Variants in SYT16 observed in about 807,000 individuals in gnomAD.
SYT16 encodes the protein synaptotagmin 16, also known as synaptotagmin-16.
SYT16 carries 42 observed loss-of-function variants against 61.4 expected under a neutral mutation model. The observed-to-expected ratio is 0.68, with a 90% confidence interval of 0.53 to 0.89. The LOEUF is 0.89. Among genes scored for constraint, SYT16 ranks in the 40% least tolerant of loss-of-function variants. The probability of loss-of-function intolerance (pLI) is 0.00; values close to 1 mark genes in which losing one functional copy is unlikely to be tolerated. For synonymous variants in SYT16, 314 were observed against 302.3 expected (o/e 1.04, Z -0.40); for missense variants, 804 against 807.3 (o/e 1.00, Z 0.05).
rs1283452147 is a variant in SYT16, at chr14:61,872,195, TA to T, written c.-325+59388del. Among the ~76,000 whole-genome samples, 25 of 152,322 alleles carry T rather than the reference TA, an allele frequency of 1.6e-4. No homozygotes were observed. The East Asian group carries it at 4.6e-3, about 28-fold the overall frequency. Reference sequence around the variant, plus strand: ...TAATGAATGGCCCAATGCATACTCATAAACTCTTCCCTTATTTTTGTTTATT... The same window carrying T: ...TAATGAATGGCCCAATGCATACTCATAACTCTTCCCTTATTTTTGTTTATT... On this transcript the variant is annotated intron_variant, in intron 1 of 7. Transcript: ENST00000683842.
chr14:62,078,077 C>T (rs1232706034), intron 5 of SYT16, among the ~76,000 whole-genome samples: 1 of 149,794 alleles, frequency 6.7e-6, no homozygotes, highest in African/African-American at 2.5e-5. Context: ...CCCCACCTTC[C>T]GTCTTCTCCC....
At chr14:62,097,292 G>A (rs1355687173) in intron 7 of SYT16, among the ~76,000 whole-genome samples, 5 of 152,122 alleles carry the variant, frequency 3.3e-5, no homozygotes, top group Non-Finnish European at 5.9e-5. Context: ...TTTGCTAATG[G>A]TTCTGAGTTA....
At chr14:61,884,240 A>G (rs2047808902) in intron 1 of SYT16, among the ~76,000 whole-genome samples, 1 of 152,234 alleles carries the variant, frequency 6.6e-6, no homozygotes, top group African/African-American at 2.4e-5. Context: ...AAGGAAGTAT[A>G]TAACTAGTTA....
intron 3 of SYT16, among the ~76,000 whole-genome samples, chr14:62,047,826 C>T (rs543502378): frequency 2.0e-5 from 3 of 152,150 alleles, no homozygotes; most frequent in Non-Finnish European, 4.4e-5. Flanking sequence ...AGATGAAGCT[C>T]ACTTGATCAT....
At chr14:61,878,009 G>A (rs890922736) in intron 1 of SYT16, among the ~76,000 whole-genome samples, 1 of 152,120 alleles carries the variant, frequency 6.6e-6, no homozygotes, top group Non-Finnish European at 1.5e-5. Context: ...CACACTGCCA[G>A]TATACCTGCC....
intron 1 of SYT16, among the ~76,000 whole-genome samples, chr14:61,827,561 G>T (rs1390314535): frequency 2.0e-5 from 3 of 152,224 alleles, no homozygotes; most frequent in Non-Finnish European, 4.4e-5. Context: ...CACTGGAAAT[G>T]AGTCATTGAT....
At chr14:61,873,443 C>T (rs1261511137) in intron 1 of SYT16, among the ~76,000 whole-genome samples, 2 of 152,154 alleles carry the variant, frequency 1.3e-5, no homozygotes. Context: ...ACTGTCTTTC[C>T]ACCAGAGCCC....
rs961130451 is a variant in SYT16, at chr14:62,075,241, A to G, written c.843A>G (p.Lys281=). 4.3e-6 allele frequency: 7 copies of G among 1,613,734 alleles called. No individual in the cohort carries two copies. Among genetic ancestry groups the G allele is most frequent in the African/African-American group, 1.3e-5 (1 of 74,902 alleles). ...SQSPCERGDA[K]HHGTSHQESS... ...CCCCATGTGAAAGAGGGGATGCCAA[A>G]CACCACGGCACATCTCACCAAGAGT... Residue 281 remains lysine, a synonymous_variant, in exon 5 of 8, where the codon AAA becomes AAG. Coordinates refer to ENST00000683842, the MANE Select transcript of SYT16 (RefSeq NM_001367656.1).
At chr14:61,914,711 A>G (rs938749162) in intron 1 of SYT16, among the ~76,000 whole-genome samples, 21 of 152,190 alleles carry the variant, frequency 1.4e-4, no homozygotes, top group African/African-American at 4.8e-4. Flanking sequence ...CCTCAAAAAT[A>G]TATCCACATC....
chr14:61,950,148 A>T (rs2050612518), intron 1 of SYT16, among the ~76,000 whole-genome samples: 1 of 152,218 alleles, frequency 6.6e-6, no homozygotes. Flanking sequence ...CCCCACTGGG[A>T]ATGATTTCAA....
At chr14:61,934,206 C>G (rs2049887788) in intron 1 of SYT16, among the ~76,000 whole-genome samples, 2 of 152,136 alleles carry the variant, frequency 1.3e-5, no homozygotes, top group South Asian at 4.1e-4. Flanking sequence ...TCATTTGATT[C>G]AACCTTTCTT....
intron 2 of SYT16, among the ~76,000 whole-genome samples, chr14:61,990,388 C>T (rs1238797626): frequency 1.3e-5 from 2 of 152,102 alleles, no homozygotes; most frequent in East Asian, 3.9e-4. Context: ...TTGACTTTTG[C>T]TTGTGACTAA....
At chr14:61,957,141 A>G (rs896002354) in intron 1 of SYT16, among the ~76,000 whole-genome samples, 7 of 151,876 alleles carry the variant, frequency 4.6e-5, no homozygotes, top group East Asian at 3.8e-4. Context: ...TGATTTTTAT[A>G]TGTTAATTTT....
At chr14:61,913,785 AC>A (rs780068570) in intron 1 of SYT16, among the ~76,000 whole-genome samples, 1 of 151,238 alleles carries the variant, frequency 6.6e-6, no homozygotes, top group East Asian at 2.0e-4. Context: ...TTTTGAAAAT[AC>A]ACCAGGCAAG....
chr14:61,896,999 C>G (rs910439935), intron 1 of SYT16, among the ~76,000 whole-genome samples: 21 of 152,120 alleles, frequency 1.4e-4, no homozygotes, highest in Admixed American at 6.6e-5. Flanking sequence ...GGGCTTTGTT[C>G]CACTGTCTGC....
chr14:62,040,536 G>A (rs1189023509), intron 3 of SYT16, among the ~76,000 whole-genome samples: 1 of 152,090 alleles, frequency 6.6e-6, no homozygotes, highest in Admixed American at 6.6e-5. Context: ...TGACAGTGAT[G>A]AATTCTTTCT....
rs140655801 is a variant in SYT16 at position 61,864,911 on chromosome 14, C to T, written c.-325+52101C>T. 8.4e-4 allele frequency: 1,059 copies of T among 1,260,392 alleles called. 2 individuals are homozygous for T. Among genetic ancestry groups the T allele is most frequent in the African/African-American group, 6.8e-3 (459 of 67,720 alleles). The allele number at this position is 1,260,392 out of a possible 1,614,324, so 78.1% of individuals were successfully genotyped here. A position where few individuals can be genotyped will look rare whatever the true frequency, so the allele number is the denominator to read the frequency against. On this transcript the variant is annotated intron_variant, in intron 1 of 7. Coordinates refer to ENST00000683842, the MANE Select transcript of SYT16 (RefSeq NM_001367656.1). ...CAACTGCGCGGATGGCGGGATGCTC[C>T]GTGTCTTAACCGGGGTCCTGGGCTG...
At position 62,101,013 on chromosome 14, in the gene SYT16, C is replaced by G; in HGVS notation, c.*306C>G. The G allele has an allele frequency of 4.3e-6, 1 of 235,152 alleles. No individual in the cohort carries two copies. The highest frequency in any genetic ancestry group is 8.3e-6 in the Non-Finnish European group (1 of 121,038). 14.6% of individuals were successfully genotyped at this position (235,152 alleles called of 1,614,324 possible). A position where few individuals can be genotyped will look rare whatever the true frequency, so the allele number is the denominator to read the frequency against. On this transcript the variant is annotated 3_prime_UTR_variant, in exon 8 of 8. Transcript: ENST00000683842. ...TAGTTCAGGGTATGGGGTGAAGCTT[C>G]TTCTGCTGTCTCTGTTTGCTTGAAG... is the stretch of plus-strand genomic sequence containing the variant.
chr14:62,064,199 A>G (rs1275601893), intron 3 of SYT16, among the ~76,000 whole-genome samples: 3 of 152,118 alleles, frequency 2.0e-5, no homozygotes, highest in Admixed American at 1.3e-4. Context: ...AAGTGTCACA[A>G]CTTAGATGAG....
Sources: gnomAD v4.1 joint callset for allele counts (sites outside exome capture counted in the v4.1 genomes callset) on GRCh38, gnomAD v4.1.1 for gene constraint, MANE v1.5 for transcripts, NCBI Gene and HGNC (gene_info 2026-07-23, HGNC 2026-07-21) for gene names.